MREG: variants seen among roughly 807,000 people sequenced by gnomAD.
The protein encoded by MREG is dilute suppressor protein homolog.
MREG carries 31 observed loss-of-function variants against 28.5 expected under a neutral mutation model. The ratio of observed to expected loss-of-function variants is 1.09; its 90% CI spans 0.82 to 1.47. The LOEUF is 1.47. Ranked by LOEUF, MREG falls within the 40% of genes most tolerant of loss-of-function variation. The pLI, the probability that MREG is intolerant of heterozygous loss-of-function variation, is 0.00. For synonymous variants in MREG, 106 were observed against 95.2 expected (o/e 1.11, Z -0.66); for missense variants, 256 against 257.4 (o/e 0.99, Z 0.04).
upstream of MREG, among the ~76,000 whole-genome samples, chr2:216,013,918 GT>G (rs200383125): frequency 3.3e-5 from 5 of 151,556 alleles, no homozygotes; most frequent in Admixed American, 6.6e-5. Context: ...TCGGCGTAGG[GT>G]TTTTTTTTAA....
chr2:215,973,269 G>A (rs953231159), intron 2 of MREG, among the ~76,000 whole-genome samples: 1 of 152,180 alleles, frequency 6.6e-6, no homozygotes, highest in African/African-American at 2.4e-5. Flanking sequence ...ACTTCTGCCT[G>A]GACAAGCAAA....
chr2:216,025,076 T>C (rs1469159934), intron 1 of MREG, among the ~76,000 whole-genome samples: 1 of 152,212 alleles, frequency 6.6e-6, no homozygotes, highest in Non-Finnish European at 1.5e-5. Context: ...CCTTTCATGA[T>C]TCCTGGCACT....
chr2:215,967,498 G>C (rs1692974187), intron 2 of MREG, among the ~76,000 whole-genome samples: 1 of 152,164 alleles, frequency 6.6e-6, no homozygotes, highest in African/African-American at 2.4e-5. Context: ...AAATGAAAAA[G>C]CTAGAAGATT....
rs763424077 is a variant in MREG, at chr2:215,949,080, ACTACTAC to A, written c.256-1974_256-1968del. ...TACTACTACTACTACTACTACTACT[ACTACTAC>A]TAATAATAATAATAATAATACAAAA... On this transcript the variant is annotated intron_variant, in intron 2 of 4. Coordinates refer to ENST00000263268, the MANE Select transcript of MREG (RefSeq NM_018000.3). Among the ~76,000 whole-genome samples the A allele has an allele frequency of 7.2e-3, 831 of 116,176 alleles. 7 individuals carry two copies. The highest frequency in any genetic ancestry group is 0.011 in the African/African-American group (368 of 32,870). 76.2% of individuals were successfully genotyped at this position (116,176 alleles called of 152,430 possible).
upstream of MREG, among the ~76,000 whole-genome samples, chr2:216,014,265 T>C (rs1210791567): frequency 6.6e-6 from 1 of 152,152 alleles, no homozygotes; most frequent in East Asian, 1.9e-4. Flanking sequence ...CCCCTATTGA[T>C]GGACATATGG....
At position 215,996,304 on chromosome 2, in the gene MREG, A is replaced by G. The variant is rs757758960; in HGVS notation, c.255+2T>C. 38 of 1,611,962 alleles carry G rather than the reference A, an allele frequency of 2.4e-5. No homozygotes were observed. The highest frequency in any genetic ancestry group is 3.2e-5 in the Non-Finnish European group (38 of 1,179,416). The stretch of plus-strand genomic sequence containing the variant: ...CACAGCAAGACATCAAAAGGTGCTC[A>G]CCTCTGAGTCTTTGGCCTGCTGATT... On this transcript the variant is annotated splice_donor_variant, in intron 2 of 4. Transcript: ENST00000263268. LOFTEE classifies it high-confidence loss of function.
chr2:216,003,171 C>T (rs1215604625), intron 1 of MREG, among the ~76,000 whole-genome samples: 7 of 152,158 alleles, frequency 4.6e-5, no homozygotes, highest in African/African-American at 1.4e-4. Flanking sequence ...TTAGTTCCAG[C>T]GCTTTCCTCA....
At chr2:216,002,919 TCTC>T (rs1694055854) in intron 1 of MREG, among the ~76,000 whole-genome samples, 2 of 151,258 alleles carry the variant, frequency 1.3e-5, no homozygotes, top group East Asian at 1.9e-4. Flanking sequence ...TTTCTCTCCC[TCTC>T]CTCCTCTCTC....
In MREG at chr2:216,028,396, C is replaced by G. The variant is rs537288204; in HGVS notation, c.-68+4393G>C. Among the ~76,000 whole-genome samples, 6 of 152,026 alleles carry G rather than the reference C, an allele frequency of 3.9e-5. No individual in the cohort carries two copies. In the South Asian group the frequency reaches 8.3e-4, roughly 21 times the overall value. On this transcript the variant is annotated intron_variant, in intron 1 of 3. Coordinates refer to the MREG transcript ENST00000420348. ...ACAAAAAATTAGCTGGGCGTGGTGGCGGGCACCTGTAGTCCCAGCTACTCG... is the reference window on the plus strand; with the variant it reads ...ACAAAAAATTAGCTGGGCGTGGTGGGGGGCACCTGTAGTCCCAGCTACTCG...
At chr2:215,977,028 A>C (rs1252695656) in intron 2 of MREG, among the ~76,000 whole-genome samples, 1 of 152,226 alleles carries the variant, frequency 6.6e-6, no homozygotes, top group African/African-American at 2.4e-5. Context: ...CACATATAAC[A>C]ATATTAACCT....
At chr2:215,963,002 C>G (rs1168824191) in intron 2 of MREG, among the ~76,000 whole-genome samples, 1 of 152,134 alleles carries the variant, frequency 6.6e-6, no homozygotes, top group African/African-American at 2.4e-5. Context: ...GTTGTGCACA[C>G]CTGTAGCCCC....
Position 215,943,647 on chromosome 2 carries a change from G to A in MREG, c.*1216C>T. The A allele has an allele frequency of 2.7e-6, 1 of 365,154 alleles. No individual in the cohort carries two copies. Among genetic ancestry groups the A allele is most frequent in the Non-Finnish European group, 5.4e-6 (1 of 184,978 alleles). 22.6% of individuals were successfully genotyped at this position (365,154 alleles called of 1,614,324 possible). On this transcript the variant is annotated 3_prime_UTR_variant, in exon 5 of 5. Transcript: ENST00000263268. ...ACGAGGTCAGGAGATCGAGACCATCGTGGCTAACATGGTGAAACCCCGTCT... is the reference window on the plus strand; with the variant it reads ...ACGAGGTCAGGAGATCGAGACCATCATGGCTAACATGGTGAAACCCCGTCT...
intron 1 of MREG, among the ~76,000 whole-genome samples, chr2:216,025,200 A>G (rs1454460857): frequency 1.3e-5 from 2 of 152,208 alleles, no homozygotes; most frequent in Non-Finnish European, 2.9e-5. Flanking sequence ...AAACTCATTA[A>G]TAAAGGCAAA....
chr2:215,991,924 A>G (rs956419215), intron 2 of MREG, among the ~76,000 whole-genome samples: 9 of 152,272 alleles, frequency 5.9e-5, no homozygotes, highest in East Asian at 3.9e-4. Flanking sequence ...AACCAAAAAA[A>G]GCCCAGGACC....
chr2:215,965,991 C>T (rs1415040325), intron 2 of MREG, among the ~76,000 whole-genome samples: 1 of 152,170 alleles, frequency 6.6e-6, no homozygotes, highest in Non-Finnish European at 1.5e-5. Flanking sequence ...AATTGCAATA[C>T]CCAAAATCTT....
Position 215,943,502 on chromosome 2 carries a change from A to G in MREG, c.*1361T>C. The G allele has an allele frequency of 2.2e-6, 1 of 456,686 alleles. No individual in the cohort carries two copies. The highest frequency in any genetic ancestry group is 1.5e-5 in the South Asian group (1 of 64,562). 28.3% of individuals were successfully genotyped at this position (456,686 alleles called of 1,614,324 possible). The stretch of plus-strand genomic sequence containing the variant: ...AAACAGATGAAAGAGGAGAGAAGAA[A>G]ACAGAGGTCAAACACTTCAGTTTAC... On this transcript the variant is annotated 3_prime_UTR_variant, in exon 5 of 5. Transcript: ENST00000263268.
chr2:215,982,810 T>A (rs1300588443), intron 2 of MREG, among the ~76,000 whole-genome samples: 1 of 152,226 alleles, frequency 6.6e-6, no homozygotes, highest in Non-Finnish European at 1.5e-5. Context: ...TTTGTACCAG[T>A]GACAAAGTCT....
At chr2:215,948,065 C>A (rs1306638737) in intron 2 of MREG, among the ~76,000 whole-genome samples, 3 of 152,148 alleles carry the variant, frequency 2.0e-5, no homozygotes, top group African/African-American at 7.2e-5. Context: ...ATTCTAAATG[C>A]TCAATTTAGG....
intron 1 of MREG, among the ~76,000 whole-genome samples, chr2:216,012,963 C>T (rs1451210877): frequency 6.6e-6 from 1 of 152,186 alleles, no homozygotes; most frequent in Non-Finnish European, 1.5e-5. Context: ...TACTTCCCTG[C>T]CCAGGTAGGA....
Sources: allele counts gnomAD v4.1 joint callset (sites outside exome capture counted in the v4.1 genomes callset), GRCh38; gene constraint gnomAD v4.1.1; transcripts MANE v1.5; gene names NCBI Gene and HGNC (gene_info 2026-07-23, HGNC 2026-07-21).